HPD: variants seen among roughly 807,000 people sequenced by gnomAD.
HPD encodes 4-hydroxyphenylpyruvate dioxygenase, also known as 4-hydroxyphenylpyruvic acid oxidase.
HPD carries 35 observed loss-of-function variants against 56.9 expected under a neutral mutation model. The ratio of observed to expected loss-of-function variants is 0.62; its 90% CI spans 0.47 to 0.82. The LOEUF (loss-of-function observed/expected upper bound fraction) is 0.82, where lower values mean the gene tolerates loss of function less well. Among genes scored for constraint, HPD ranks in the 40% least tolerant of loss-of-function variants. HPD has a pLI of 0.00. For synonymous variants in HPD, 186 were observed against 200.2 expected (o/e 0.93, Z 0.60); for missense variants, 442 against 506.8 (o/e 0.87, Z 1.23).
the HPD span, among the ~76,000 whole-genome samples, chr12:121,869,507 A>C: frequency 6.6e-6 from 1 of 151,710 alleles, no homozygotes; most frequent in South Asian, 2.1e-4. Flanking sequence ...TATATTCTAG[A>C]TATAAATCCC....
chr12:121,850,538 A>G (rs1877733517), intron 7 of HPD, among the ~76,000 whole-genome samples: 1 of 138,528 alleles, frequency 7.2e-6, no homozygotes, highest in Admixed American at 7.7e-5. Flanking sequence ...CATTGGCACG[A>G]TCTCGGCTTA....
At chr12:121,853,387 G>A (rs982182147) in intron 7 of HPD, among the ~76,000 whole-genome samples, 1 of 152,042 alleles carries the variant, frequency 6.6e-6, no homozygotes, top group African/African-American at 2.4e-5. Flanking sequence ...CCAGCACTTT[G>A]GGAGGCTGAG....
chr12:121,860,499 G>A (rs543319634), upstream of HPD, among the ~76,000 whole-genome samples: 3 of 152,288 alleles, frequency 2.0e-5, no homozygotes, highest in South Asian at 6.2e-4. Context: ...ACCCCTAGAT[G>A]CCATTCACAT....
chr12:121,852,440 G>A (rs991952307), intron 7 of HPD, among the ~76,000 whole-genome samples: 4 of 152,026 alleles, frequency 2.6e-5, no homozygotes, highest in African/African-American at 4.8e-5. Flanking sequence ...AAACTGCTGG[G>A]ATTATAGGTG....
the HPD span, among the ~76,000 whole-genome samples, chr12:121,887,873 C>T: frequency 6.6e-6 from 1 of 152,102 alleles, no homozygotes; most frequent in African/African-American, 2.4e-5. Context: ...TCAGGGCAAA[C>T]ATGTTTGAAT....
the HPD span, among the ~76,000 whole-genome samples, chr12:121,874,792 G>A: frequency 2.0e-4 from 30 of 147,678 alleles, no homozygotes; most frequent in Middle Eastern, 3.6e-3. Flanking sequence ...ACGTAGTTTC[G>A]CTCTTGTTAC....
chr12:121,855,560 TA>T (rs1204360042), intron 6 of HPD, among the ~76,000 whole-genome samples: 7 of 151,722 alleles, frequency 4.6e-5, no homozygotes, highest in Non-Finnish European at 1.0e-4. Context: ...TCTACTAAAA[TA>T]CAAAAATTAG....
chr12:121,856,092 G>A (rs1877983873), intron 6 of HPD, among the ~76,000 whole-genome samples: 1 of 152,096 alleles, frequency 6.6e-6, no homozygotes, highest in African/African-American at 2.4e-5. Context: ...AGAGGACACG[G>A]GGGAAGGCAG....
the HPD span, among the ~76,000 whole-genome samples, chr12:121,870,154 A>G: frequency 6.6e-6 from 1 of 151,612 alleles, no homozygotes; most frequent in Non-Finnish European, 1.5e-5. Flanking sequence ...CCAGATGGTT[A>G]CCTCTGGAGG....
rs542121054 is a variant in HPD, at chr12:121,857,748, G to A, written c.93+9C>T. On this transcript the variant is annotated intron_variant, in intron 3 of 13. Coordinates refer to ENST00000289004, the MANE Select transcript of HPD (RefSeq NM_002150.3). Reference sequence around the variant, plus strand: ...TCTGCTCACTCCAGCACCTTGCCCCGGCTTCTACCTGCTTGGCGTTGCCAA... The same window carrying A: ...TCTGCTCACTCCAGCACCTTGCCCCAGCTTCTACCTGCTTGGCGTTGCCAA... The A allele has an allele frequency of 4.9e-5, 79 of 1,612,834 alleles. No homozygotes were observed. The highest frequency in any genetic ancestry group is 4.0e-4 in the East Asian group (18 of 44,868).
chr12:121,880,632 G>T, the HPD span, among the ~76,000 whole-genome samples: 1 of 152,078 alleles, frequency 6.6e-6, no homozygotes, highest in Admixed American at 6.6e-5. Context: ...AAATTACTCT[G>T]AATTTATATT....
Position 121,854,694 on chromosome 12 carries a change from G to A in HPD, c.414+9C>T. ...AGCAGGAGGGGTGGGGGCACCAAAG[G>A]GAACTCACCGTCTGCAGCACAGCAA... On this transcript the variant is annotated intron_variant, in intron 7 of 13. Transcript: ENST00000289004. The A allele has an allele frequency of 6.2e-7, 1 of 1,602,300 alleles. No individual in the cohort carries two copies. Among genetic ancestry groups the A allele is most frequent in the Non-Finnish European group, 8.6e-7 (1 of 1,169,224 alleles).
chr12:121,843,344 C>G (rs1036878703), intron 12 of HPD, among the ~76,000 whole-genome samples: 1 of 152,248 alleles, frequency 6.6e-6, no homozygotes, highest in Non-Finnish European at 1.5e-5. Context: ...CATGCTCCTA[C>G]CTCGGCCCTT....
At chr12:121,869,551 T>C in the HPD span, among the ~76,000 whole-genome samples, 2 of 123,462 alleles carry the variant, frequency 1.6e-5, no homozygotes, top group African/African-American at 6.2e-5. Flanking sequence ...TTTTTCCCCA[T>C]TTTGTAGGTT....
intron 11 of HPD, 133 bp downstream of exon 11, chr12:121,846,729 G>A: frequency 1.2e-6 from 1 of 813,004 alleles, no homozygotes; most frequent in Non-Finnish European, 2.1e-6. Flanking sequence ...GCAAGAAGCA[G>A]TGAGGGAGTC....
rs370152649 is a variant in HPD, at chr12:121,856,510, G to A, written c.241+73C>T. The A allele has an allele frequency of 1.2e-4, 195 of 1,597,022 alleles. 2 individuals carry two copies. The East Asian group carries it at 2.0e-3, about 17-fold the overall frequency. On this transcript the variant is annotated intron_variant, in intron 5 of 13. Transcript: ENST00000289004. ...CCTGAACCCAGAGCCCACCCACGGA[G>A]CCATGCGTCCACCCTCCCAGAACCC...
chr12:121,857,068 G>T, intron 4 of HPD: 2 of 521,012 alleles, frequency 3.8e-6, no homozygotes, highest in East Asian at 3.5e-5. Flanking sequence ...TGTTGTTGGG[G>T]TTTTTTGTTG....
At chr12:121,840,375 A>C (rs1032268658) in intron 12 of HPD, among the ~76,000 whole-genome samples, 9 of 152,116 alleles carry the variant, frequency 5.9e-5, no homozygotes, top group African/African-American at 2.2e-4. Flanking sequence ...ATCTTGGCTC[A>C]CTGAAACCTC....
chr12:121,877,830 G>C, the HPD span, among the ~76,000 whole-genome samples: 2 of 152,218 alleles, frequency 1.3e-5, no homozygotes, highest in Non-Finnish European at 2.9e-5. Flanking sequence ...CTTAGCTCCA[G>C]ACAGTTGTTG....
Sources: gnomAD v4.1 joint callset for allele counts (sites outside exome capture counted in the v4.1 genomes callset) on GRCh38, gnomAD v4.1.1 for gene constraint, MANE v1.5 for transcripts, NCBI Gene and HGNC (gene_info 2026-07-23, HGNC 2026-07-21) for gene names.